SCAF1: variants seen among roughly 807,000 people sequenced by gnomAD.
SCAF1 encodes the protein splicing factor, arginine/serine-rich 19.
In SCAF1, 28 loss-of-function variants were observed where a neutral mutation model predicts 91.2. The ratio of observed to expected loss-of-function variants is 0.31; its 90% CI spans 0.23 to 0.42. SCAF1 has a LOEUF of 0.42. SCAF1 is among the 10% of genes least tolerant of loss of function. The pLI is 1.00. For missense variants in SCAF1, 1,893 were observed against 1,872.1 expected, an observed-to-expected ratio of 1.01 and a Z score of -0.21; for synonymous variants, 1,036 against 833.7, an observed-to-expected ratio of 1.24 and a Z score of -4.18.
upstream of SCAF1, chr19:49,641,986 C>G (rs1291488223): frequency 6.6e-6 from 1 of 152,280 alleles, no homozygotes; most frequent in African/African-American, 2.4e-5. Context: ...CATTAGCTGT[C>G]CCCGCGCGAC....
chr19:49,651,008 T>TGCC lies in SCAF1; in HGVS notation c.619_620insGCC (p.Ser207delinsCysPro). 1.4e-5 allele frequency: 8 copies of TGCC among 583,730 alleles called. No homozygotes were observed. Among genetic ancestry groups the TGCC allele is most frequent in the Non-Finnish European group, 1.8e-5 (7 of 389,040 alleles). 36.2% of individuals were successfully genotyped at this position (583,730 alleles called of 1,614,324 possible). A position where few individuals can be genotyped will look rare whatever the true frequency, so the allele number is the denominator to read the frequency against. ...CCCTTCTCCCTCATCTTCCTCCCCTTCCCCTCCCCCACCCCCACCGCCCCC... is the reference window on the plus strand; with the variant it reads ...CCCTTCTCCCTCATCTTCCTCCCCTTGCCCCCCTCCCCCACCCCCACCGCCCCC... On this transcript the variant is annotated protein_altering_variant, in exon 7 of 11. Coordinates refer to ENST00000360565, the MANE Select transcript of SCAF1 (RefSeq NM_021228.3).
Position 49,651,184 on chromosome 19 carries a change from C to G in SCAF1, c.795C>G (p.Pro265=). 4.3e-6 allele frequency: 7 copies of G among 1,613,356 alleles called. No homozygotes were observed. The highest frequency in any genetic ancestry group is 5.9e-6 in the Non-Finnish European group (7 of 1,179,832). Residue 265 remains proline, a synonymous_variant, in exon 7 of 11, where the codon CCC becomes CCG. Transcript: ENST00000360565. ...GSNPSSSAGT[P]SPEEEEEEEE... ...ACCCCAGCTCATCAGCGGGGACCCC[C>G]TCACCTGAGGAGGAAGAGGAGGAGG...
rs2081155667 is a variant in SCAF1 at position 49,658,057 on chromosome 19, C to G, written c.3748-151C>G. On this transcript the variant is annotated intron_variant, in intron 10 of 10. Coordinates refer to ENST00000360565, the MANE Select transcript of SCAF1 (RefSeq NM_021228.3). Reference sequence around the variant, plus strand: ...GCCACCTGGGCCTGTTCCGCTGGCCCTGGGGCACCCATCGTCTAGGGGGAC... The same window carrying G: ...GCCACCTGGGCCTGTTCCGCTGGCCGTGGGGCACCCATCGTCTAGGGGGAC... The G allele has an allele frequency of 2.5e-6, 3 of 1,199,646 alleles. No homozygotes were observed. In the African/African-American group the frequency reaches 4.6e-5, roughly 18 times the overall value. The allele number at this position is 1,199,646 out of a possible 1,614,324, so 74.3% of individuals were successfully genotyped here.
chr19:49,651,029 C>T lies in SCAF1; in HGVS notation c.640C>T (p.Pro214Ser), dbSNP rs1473719898. The T allele has an allele frequency of 1.5e-6, 1 of 672,104 alleles. No homozygotes were observed. Among genetic ancestry groups the T allele is most frequent in the Non-Finnish European group, 2.4e-6 (1 of 413,910 alleles). 41.6% of individuals were successfully genotyped at this position (672,104 alleles called of 1,614,324 possible). The stretch of plus-strand genomic sequence containing the variant: ...CCCTTCCCCTCCCCCACCCCCACCG[C>T]CCCCTGCACCCCCAGCCCCACCTGC... ...SSPSPPPPPP[P>S]PAPPAPPAPR... Residue 214 changes from proline (P) to serine (S), a missense_variant, in exon 7 of 11, where the codon CCC becomes TCC. Around this residue, in one of 5 missense-constraint regions of SCAF1, gnomAD observed 270 missense variants for 292.5 expected, o/e 0.92. Coordinates refer to ENST00000360565, the MANE Select transcript of SCAF1 (RefSeq NM_021228.3).
At chr19:49,655,673 G>A (rs2081134641) in intron 9 of SCAF1, among the ~76,000 whole-genome samples, 1 of 151,994 alleles carries the variant, frequency 6.6e-6, no homozygotes, top group Non-Finnish European at 1.5e-5. Context: ...GCCTTGGTTG[G>A]TTGGTTTTTG....
rs952149308 is a variant in SCAF1, at chr19:49,646,405, T to A, written c.262-121T>A. 1 of 948,834 alleles carries A rather than the reference T, an allele frequency of 1.1e-6. No individual in the cohort carries two copies. Among genetic ancestry groups the A allele is most frequent in the Non-Finnish European group, 1.7e-6 (1 of 605,848 alleles). 58.8% of individuals were successfully genotyped at this position (948,834 alleles called of 1,614,324 possible). On this transcript the variant is annotated intron_variant, in intron 4 of 10. Transcript: ENST00000360565. This position sits in a 1 kb window ranked among gnomAD's most constrained non-coding sequence, Gnocchi z 5.6. The stretch of plus-strand genomic sequence containing the variant: ...TGGCAGTCAGGCTATAGGAATTAGA[T>A]CCTCAGTTTTCTTGGGGATCTTAGA...
At chr19:49,643,982 C>A (rs1025578479) in intron 1 of SCAF1, among the ~76,000 whole-genome samples, 1 of 152,050 alleles carries the variant, frequency 6.6e-6, no homozygotes, top group African/African-American at 2.4e-5. Context: ...GAAACCTGGG[C>A]GTTAAGGGCT....
At chr19:49,641,199 G>T (rs779484887), upstream of SCAF1, among the ~76,000 whole-genome samples, 1 of 152,184 alleles carries the variant, frequency 6.6e-6, no homozygotes, top group Non-Finnish European at 1.5e-5. Flanking sequence ...CTCCTGAGTC[G>T]GAGGGAGGAG....
In SCAF1 at chr19:49,653,347, T is replaced by C; in HGVS notation, c.2958T>C (p.Pro986=). ...CCCCCAAGGCAGCCCCACCACCCCC[T>C]GCCCTCACTCCGGACTCGCAGACCG... ...TPPPKAAPPP[P]ALTPDSQTVD... Residue 986 remains proline (P), a synonymous_variant, in exon 7 of 11, where the codon CCT becomes CCC. Coordinates refer to ENST00000360565, the MANE Select transcript of SCAF1 (RefSeq NM_021228.3). 1.4e-6 allele frequency: 2 copies of C among 1,438,716 alleles called. No homozygotes were observed. Among genetic ancestry groups the C allele is most frequent in the Non-Finnish European group, 1.8e-6 (2 of 1,081,512 alleles). The allele number at this position is 1,438,716 out of a possible 1,614,324, so 89.1% of individuals were successfully genotyped here. A position where few individuals can be genotyped will look rare whatever the true frequency, so the allele number is the denominator to read the frequency against.
At chr19:49,656,640 C>T (rs535512210) in intron 9 of SCAF1, among the ~76,000 whole-genome samples, 10 of 152,318 alleles carry the variant, frequency 6.6e-5, no homozygotes, top group South Asian at 2.1e-4. Context: ...CCTGCGGCTG[C>T]GGGATCTCCT....
Position 49,651,771 on chromosome 19 carries a change from T to C in SCAF1, c.1382T>C (p.Val461Ala). Residue 461 changes from valine to alanine, a missense_variant, in exon 7 of 11, where the codon GTG becomes GCG. By Grantham distance (64) the Val-to-Ala change is moderately conservative (BLOSUM62 0). Around this residue, in one of 5 missense-constraint regions of SCAF1, gnomAD observed 1,436 missense variants for 1,306.8 expected, o/e 1.10. Transcript: ENST00000360565. ...AESDGEGALQ[V>A]DLGEPAPAPP... is the part of the protein sequence containing the mutation. ...TCGGACGGCGAGGGCGCCCTGCAGG[T>C]GGACCTAGGGGAGCCGGCTCCCGCG... The C allele has an allele frequency of 7.6e-7, 1 of 1,313,860 alleles. No individual in the cohort carries two copies. The highest frequency in any genetic ancestry group is 9.6e-7 in the Non-Finnish European group (1 of 1,036,594). The allele number at this position is 1,313,860 out of a possible 1,614,324, so 81.4% of individuals were successfully genotyped here.
upstream of SCAF1, among the ~76,000 whole-genome samples, chr19:49,641,148 C>T (rs1021730499): frequency 2.6e-5 from 4 of 152,014 alleles, no homozygotes; most frequent in African/African-American, 9.7e-5. Flanking sequence ...CAGGACTAGT[C>T]TGGGAGACCG....
At position 49,651,993 on chromosome 19, in the gene SCAF1, C is replaced by A; in HGVS notation, c.1604C>A (p.Ser535Tyr). ...GGCGAGGCCAAGGAGGCCGCCTCGT[C>A]CTCGTCGGGCACCCAGCCAGCGCCG... ...RSGEAKEAAS[S>Y]SSGTQPAPPA... Residue 535 changes from serine to tyrosine, a missense_variant, in exon 7 of 11, where the codon TCC becomes TAC. Ser to Tyr is a moderately radical substitution (Grantham distance 144). Transcript: ENST00000360565. The A allele has an allele frequency of 8.4e-7, 1 of 1,197,258 alleles. No homozygotes were observed. Among genetic ancestry groups the A allele is most frequent in the Non-Finnish European group, 1.0e-6 (1 of 956,304 alleles). 74.2% of individuals were successfully genotyped at this position (1,197,258 alleles called of 1,614,324 possible). A position where few individuals can be genotyped will look rare whatever the true frequency, so the allele number is the denominator to read the frequency against.
intron 9 of SCAF1, among the ~76,000 whole-genome samples, chr19:49,657,303 C>A (rs1047353271): frequency 6.6e-6 from 1 of 151,222 alleles, no homozygotes; most frequent in East Asian, 1.9e-4. Context: ...CCCCTAGCCA[C>A]CCCCTCCATC....
chr19:49,651,008 T>TA lies in SCAF1; in HGVS notation c.619_620insA (p.Ser207TyrfsTer23). The TA allele has an allele frequency of 5.1e-6, 3 of 583,740 alleles. No individual in the cohort carries two copies. Among genetic ancestry groups the TA allele is most frequent in the Non-Finnish European group, 7.7e-6 (3 of 389,050 alleles). 36.2% of individuals were successfully genotyped at this position (583,740 alleles called of 1,614,324 possible). A position where few individuals can be genotyped will look rare whatever the true frequency, so the allele number is the denominator to read the frequency against. Reference sequence around the variant, plus strand: ...CCCTTCTCCCTCATCTTCCTCCCCTTCCCCTCCCCCACCCCCACCGCCCCC... The same window carrying TA: ...CCCTTCTCCCTCATCTTCCTCCCCTTACCCCTCCCCCACCCCCACCGCCCCC... On this transcript the variant is annotated frameshift_variant, in exon 7 of 11. Coordinates refer to ENST00000360565, the MANE Select transcript of SCAF1 (RefSeq NM_021228.3). LOFTEE classifies it high-confidence loss of function.
At position 49,642,405 on chromosome 19, in the gene SCAF1, C is replaced by T. The variant is rs369719376; in HGVS notation, c.-7+163C>T. On this transcript the variant is annotated intron_variant, in intron 1 of 10. Transcript: ENST00000360565. The surrounding 1 kb of genome is among the most constrained non-coding windows in gnomAD (Gnocchi z 4.0). ...CGGCAGCTGCGGCGAAACCTGGCGC[C>T]GAGAGGGGGGCCTTCTCAGGGCCCC... Among the ~76,000 whole-genome samples the T allele has an allele frequency of 5.2e-4, 79 of 152,234 alleles. No homozygotes were observed. The East Asian group carries it at 0.014, about 27-fold the overall frequency.
Position 49,651,574 on chromosome 19 carries a change from G to A in SCAF1, c.1185G>A (p.Glu395=), listed in dbSNP as rs1599825951. The change falls in exon 7 of 11, where the codon GAG becomes GAA. Residue 395 remains glutamate (E), a synonymous_variant. Coordinates refer to ENST00000360565, the MANE Select transcript of SCAF1 (RefSeq NM_021228.3). ...GCGACTCGGAGATCGAGGAAGGGGAGATCGTCCAGCCGGAGGAGGAGCCCA... is the reference window on the plus strand; with the variant it reads ...GCGACTCGGAGATCGAGGAAGGGGAAATCGTCCAGCCGGAGGAGGAGCCCA... ...PPGDSEIEEG[E]IVQPEEEPRL... 5.2e-6 allele frequency: 8 copies of A among 1,549,566 alleles called. No individual in the cohort carries two copies. The highest frequency in any genetic ancestry group is 7.0e-6 in the Non-Finnish European group (8 of 1,148,460).
Position 49,645,873 on chromosome 19 carries a change from G to T in SCAF1, c.167-235G>T, listed in dbSNP as rs1311707186. Among the ~76,000 whole-genome samples the T allele has an allele frequency of 6.6e-6, 1 of 152,138 alleles. No homozygotes were observed. Among genetic ancestry groups the T allele is most frequent in the Non-Finnish European group, 1.5e-5 (1 of 68,014 alleles). ...TCTGTGGGGACTGGATCCCAGCAAG[G>T]CCTGAATGCCAGGTTGAGGTGTCTG... On this transcript the variant is annotated intron_variant, in intron 3 of 10. Coordinates refer to ENST00000360565, the MANE Select transcript of SCAF1 (RefSeq NM_021228.3). The surrounding 1 kb of genome is among the most constrained non-coding windows in gnomAD (Gnocchi z 4.6).
chr19:49,654,457 T>G (rs762737267), intron 8 of SCAF1, 26 bp downstream of exon 8: 1 of 1,601,992 alleles, frequency 6.2e-7, no homozygotes, highest in East Asian at 2.2e-5. Context: ...GGAGAGTCCC[T>G]GCCGCCCCTT....
Sources: allele counts gnomAD v4.1 joint callset (sites outside exome capture counted in the v4.1 genomes callset), GRCh38; gene constraint gnomAD v4.1.1; regional missense constraint gnomAD v4.1.1; non-coding constraint Gnocchi (gnomAD v3.1); transcripts MANE v1.5; gene names NCBI Gene and HGNC (gene_info 2026-07-23, HGNC 2026-07-21).